EPB41: variants seen among roughly 807,000 people sequenced by gnomAD.
The protein encoded by EPB41 is protein 4.1.
In EPB41, 65 loss-of-function variants were observed where a neutral mutation model predicts 108.0. That is an observed-to-expected ratio of 0.60 (90% confidence interval 0.49 to 0.74). The LOEUF (loss-of-function observed/expected upper bound fraction) is 0.74. EPB41 is among the 30% of genes least tolerant of loss of function. The pLI, the probability that EPB41 is intolerant of heterozygous loss-of-function variation, is 0.00. For missense variants in EPB41, 875 were observed against 1,037.0 expected (o/e 0.84, Z 2.15); for synonymous variants, 336 against 358.9 (o/e 0.94, Z 0.72).
At position 28,964,796 on chromosome 1, in the gene EPB41, T is replaced by C. The variant is rs1232618870; in HGVS notation, c.-7-22635T>C. 2.6e-5 allele frequency among the ~76,000 whole-genome samples: 4 copies of C among 152,198 alleles called. No homozygotes were observed. In the East Asian group the frequency reaches 7.7e-4, roughly 29 times the overall value. ...CATCCTATATTTTATACTCCAGCTA[T>C]AGTGAACTTTGTGCTGCTTGCCATT... On this transcript the variant is annotated intron_variant, in intron 1 of 20. Transcript: ENST00000343067.
At chr1:28,903,535 G>C (rs1480081026) in intron 1 of EPB41, among the ~76,000 whole-genome samples, 1 of 151,842 alleles carries the variant, frequency 6.6e-6, no homozygotes, top group Admixed American at 6.6e-5. Flanking sequence ...GGCCAGGCTG[G>C]TCTTGAACTC....
chr1:29,101,965 A>G (rs944789141), intron 17 of EPB41, among the ~76,000 whole-genome samples: 2 of 152,190 alleles, frequency 1.3e-5, no homozygotes, highest in African/African-American at 4.8e-5. Flanking sequence ...CTCTGGAGAA[A>G]TGCTTGTAAA....
chr1:29,055,920 A>G (rs1371428151), intron 12 of EPB41, among the ~76,000 whole-genome samples: 1 of 113,714 alleles, frequency 8.8e-6, no homozygotes, highest in Non-Finnish European at 1.7e-5. Flanking sequence ...GCAACAGAGC[A>G]AGACTGTCTC....
Position 29,104,820 on chromosome 1 carries a change from C to T in EPB41, c.2314-4516C>T, listed in dbSNP as rs909005865. Among the ~76,000 whole-genome samples the T allele has an allele frequency of 2.0e-5, 3 of 152,044 alleles. No individual in the cohort carries two copies. In the South Asian group the frequency reaches 6.2e-4, roughly 32 times the overall value. ...GGTCAGGCTGGTCTCGAACTCCTGACCTCATGATCCTTCCGCCTCGGCCTC... is the reference window on the plus strand; with the variant it reads ...GGTCAGGCTGGTCTCGAACTCCTGATCTCATGATCCTTCCGCCTCGGCCTC... On this transcript the variant is annotated intron_variant, in intron 17 of 20. Coordinates refer to ENST00000343067, the MANE Select transcript of EPB41 (RefSeq NM_001376013.1).
chr1:29,018,128 C>A lies in EPB41; in HGVS notation c.906-96C>A. 1 of 1,071,382 alleles carries A rather than the reference C, an allele frequency of 9.3e-7. No individual in the cohort carries two copies. Among genetic ancestry groups the A allele is most frequent in the Non-Finnish European group, 1.4e-6 (1 of 711,756 alleles). The allele number at this position is 1,071,382 out of a possible 1,614,324, so 66.4% of individuals were successfully genotyped here. ...TTTCTTCTGTGTCCTTATTTTTTCT[C>A]TCTCTCCCTTTCTGTTTCTCCCCTT... On this transcript the variant is annotated intron_variant, in intron 6 of 20. Transcript: ENST00000343067. This position sits in a 1 kb window ranked among gnomAD's most constrained non-coding sequence, Gnocchi z 4.4.
chr1:29,079,293 C>T (rs181036969), intron 16 of EPB41, among the ~76,000 whole-genome samples: 18 of 151,918 alleles, frequency 1.2e-4, no homozygotes, highest in Admixed American at 5.9e-4. Flanking sequence ...CCCCTCGCCC[C>T]GCCAGAAAAA....
At chr1:28,935,167 G>T (rs377125710) in intron 1 of EPB41, among the ~76,000 whole-genome samples, 62 of 151,918 alleles carry the variant, frequency 4.1e-4, no homozygotes, top group African/African-American at 1.4e-3. Context: ...GAAGTGGCTT[G>T]CACCTGTAAT....
At chr1:28,933,127 C>A (rs183162388) in intron 1 of EPB41, among the ~76,000 whole-genome samples, 1 of 151,978 alleles carries the variant, frequency 6.6e-6, no homozygotes, top group East Asian at 1.9e-4. Context: ...GAGCTTGAAT[C>A]AATAAAGGGC....
chr1:28,926,362 GTTACCCATTATTA>G (rs2093444958), intron 1 of EPB41, among the ~76,000 whole-genome samples: 1 of 152,088 alleles, frequency 6.6e-6, no homozygotes, highest in Non-Finnish European at 1.5e-5. Context: ...CCAGATAAAT[GTTACCCATTATTA>G]TTTTTGCATT....
Position 29,018,467 on chromosome 1 carries a change from C to G in EPB41, c.1124+25C>G, listed in dbSNP as rs377224137. ...GGTGAATATGTCTCCAGGGTTTGTT[C>G]GGTGTTTGTTTTGGCGATTAGTTTA... is the stretch of plus-strand genomic sequence containing the variant. On this transcript the variant is annotated intron_variant, in intron 7 of 20. Coordinates refer to ENST00000343067, the MANE Select transcript of EPB41 (RefSeq NM_001376013.1). The surrounding 1 kb of genome is among the most constrained non-coding windows in gnomAD (Gnocchi z 4.4). 40 of 1,594,392 alleles carry G rather than the reference C, an allele frequency of 2.5e-5. No homozygotes were observed. The South Asian group carries it at 3.8e-4, about 15-fold the overall frequency.
chr1:28,951,987 T>A (rs955074765), intron 1 of EPB41, among the ~76,000 whole-genome samples: 5 of 151,958 alleles, frequency 3.3e-5, no homozygotes, highest in Non-Finnish European at 2.9e-5. Context: ...CTATGGAGAG[T>A]CAGGGGTGAC....
chr1:29,081,335 G>A, intron 16 of EPB41, among the ~76,000 whole-genome samples: 1 of 152,118 alleles, frequency 6.6e-6, no homozygotes, highest in East Asian at 1.9e-4. Context: ...CAAATTTGTA[G>A]TTAATAACTC....
chr1:29,000,974 C>T (rs1209014254), intron 4 of EPB41, among the ~76,000 whole-genome samples: 2 of 152,052 alleles, frequency 1.3e-5, no homozygotes, highest in East Asian at 1.9e-4. Flanking sequence ...GAAGATTCAT[C>T]TTAGGATTGT....
At chr1:28,931,472 T>A (rs1216116695) in intron 1 of EPB41, among the ~76,000 whole-genome samples, 1 of 151,920 alleles carries the variant, frequency 6.6e-6, no homozygotes, top group African/African-American at 2.4e-5. Context: ...CATAGTTCAT[T>A]TTTTTCTGTA....
At chr1:28,897,246 T>C (rs1216613326) in intron 1 of EPB41, among the ~76,000 whole-genome samples, 1 of 151,886 alleles carries the variant, frequency 6.6e-6, no homozygotes, top group Non-Finnish European at 1.5e-5. Context: ...TGTTACTGAG[T>C]GTCTGTGCCA....
chr1:28,933,702 G>A (rs186945803), intron 1 of EPB41, among the ~76,000 whole-genome samples: 68 of 152,170 alleles, frequency 4.5e-4, no homozygotes, highest in African/African-American at 1.2e-3. Context: ...GCCAGTCGGG[G>A]TTTGTCTGAT....
intron 14 of EPB41, 21 bp from the exon 15 acceptor site, chr1:29,060,401 T>A: frequency 1.2e-6 from 2 of 1,609,040 alleles, no homozygotes; most frequent in Non-Finnish European, 1.7e-6. Context: ...TTTTCTGTTT[T>A]CCCCCCTTTC....
intron 3 of EPB41, among the ~76,000 whole-genome samples, chr1:28,995,135 C>T (rs1409035333): frequency 1.3e-5 from 2 of 151,828 alleles, no homozygotes; most frequent in Non-Finnish European, 2.9e-5. Context: ...TTAGGGTCTG[C>T]TTTTTCTGCT....
intron 10 of EPB41, among the ~76,000 whole-genome samples, chr1:29,038,731 C>A (rs1322514929): frequency 6.6e-6 from 1 of 152,026 alleles, no homozygotes; most frequent in Non-Finnish European, 1.5e-5. Flanking sequence ...CATAGAGTAC[C>A]ATATAGGAAA....
Sources: gnomAD v4.1 joint callset for allele counts (sites outside exome capture counted in the v4.1 genomes callset) on GRCh38, gnomAD v4.1.1 for gene constraint, Gnocchi (gnomAD v3.1) non-coding constraint, MANE v1.5 for transcripts, NCBI Gene and HGNC (gene_info 2026-07-23, HGNC 2026-07-21) for gene names.